DNAH17: variants seen among roughly 807,000 people sequenced by gnomAD.
DNAH17 encodes axonemal beta dynein heavy chain 17.
Under a neutral mutation model 485.6 loss-of-function variants are expected in DNAH17, and 376 were observed. That is an observed-to-expected ratio of 0.77 (90% confidence interval 0.71 to 0.84). The LOEUF (loss-of-function observed/expected upper bound fraction) is 0.84. Ranked by LOEUF, DNAH17 falls within the 40% of genes least tolerant of loss-of-function variation. DNAH17 has a pLI of 0.00. For missense variants in DNAH17, 6,370 were observed against 5,839.3 expected (o/e 1.09, Z -2.96); for synonymous variants, 3,031 against 2,405.9 (o/e 1.26, Z -7.60).
chr17:78,462,809 G>C lies in DNAH17; in HGVS notation c.9174+35C>G, dbSNP rs376066908. On this transcript the variant is annotated intron_variant, in intron 57 of 80. Coordinates refer to ENST00000389840, the MANE Select transcript of DNAH17 (RefSeq NM_173628.4). ...AGCTCCTGCGAGGCCTCCAGGGAAC[G>C]GCACAGGAGCTGGCAGCCAGCCCCC... 3.7e-6 allele frequency: 6 copies of C among 1,606,158 alleles called. No individual in the cohort carries two copies. The Admixed American group carries it at 8.4e-5, about 23-fold the overall frequency.
intron 52 of DNAH17, 142 bp downstream of exon 52, chr17:78,476,430 T>C (rs1160875750): frequency 3.0e-6 from 3 of 1,009,816 alleles, no homozygotes; most frequent in Non-Finnish European, 4.2e-6. Flanking sequence ...CTTGCTGGAA[T>C]GATCGCGTGG....
intron 75 of DNAH17, 59 bp from the exon 76 acceptor site, chr17:78,429,359 G>A (rs2086594140): frequency 6.4e-7 from 1 of 1,562,462 alleles, no homozygotes; most frequent in Admixed American, 1.8e-5. Context: ...TCTGCCATGA[G>A]AGGGTCAGGC....
intron 48 of DNAH17, 129 bp downstream of exon 48, chr17:78,484,739 A>ACCCCCCTTCCGCCCCCC: frequency 2.9e-6 from 1 of 347,798 alleles, no homozygotes. Context: ...ACGTTGCAGC[A>ACCCCCCTTCCGCCCCCC]CCCCCCCCAC....
intron 16 of DNAH17, 29 bp from the exon 17 acceptor site, chr17:78,544,026 G>T (rs372382950): frequency 1.3e-5 from 21 of 1,613,420 alleles, no homozygotes; most frequent in Non-Finnish European, 1.7e-5. Flanking sequence ...AGTGAGAAAA[G>T]GTGTTCTGGA....
At chr17:78,498,050 G>A (rs1598589315) in intron 37 of DNAH17, among the ~76,000 whole-genome samples, 1 of 152,110 alleles carries the variant, frequency 6.6e-6, no homozygotes, top group African/African-American at 2.4e-5. Flanking sequence ...GCTGAGGCAG[G>A]AGAATTGCTT....
At chr17:78,545,150 G>T (rs140608974) in intron 16 of DNAH17, among the ~76,000 whole-genome samples, 2,485 of 152,152 alleles carry the variant, frequency 0.016, 60 homozygotes, top group Non-Finnish European at 0.02. Flanking sequence ...TAGATCACCC[G>T]CCTCCCTCCT....
chr17:78,546,416 G>A (rs184155488), intron 16 of DNAH17, among the ~76,000 whole-genome samples: 7 of 152,196 alleles, frequency 4.6e-5, no homozygotes, highest in Admixed American at 3.3e-4. Context: ...TGTAACTAAT[G>A]TTTGCCCTTT....
rs1426348622 is a variant in DNAH17, at chr17:78,566,523, G to C, written c.1569+91C>G. ...CCTGGACATCAGCTCTACATGGAGA[G>C]GATGAAATGGTCTCCAAGATCGTTC... On this transcript the variant is annotated intron_variant, in intron 11 of 80. Transcript: ENST00000389840. 3 of 939,784 alleles carry C rather than the reference G, an allele frequency of 3.2e-6. No homozygotes were observed. In the African/African-American group the frequency reaches 4.9e-5, roughly 15 times the overall value. The allele number at this position is 939,784 out of a possible 1,614,324, so 58.2% of individuals were successfully genotyped here.
At position 78,458,563 on chromosome 17, in the gene DNAH17, A is replaced by T; in HGVS notation, c.9977+2T>A. 1 of 1,612,654 alleles carries T rather than the reference A, an allele frequency of 6.2e-7. No individual in the cohort carries two copies. Among genetic ancestry groups the T allele is most frequent in the Non-Finnish European group, 8.5e-7 (1 of 1,178,886 alleles). On this transcript the variant is annotated splice_donor_variant, in intron 62 of 80. Coordinates refer to ENST00000389840, the MANE Select transcript of DNAH17 (RefSeq NM_173628.4). LOFTEE classifies it high-confidence loss of function. ...AGGGTGGTCTCGGGGAGGAGCTGAT[A>T]CCTGTTCGCCAGTAAGATCACCCTG... is the stretch of plus-strand genomic sequence containing the variant.
chr17:78,460,319 TAC>T (rs1206225467), intron 58 of DNAH17, 62 bp from the exon 59 acceptor site: 71 of 1,441,520 alleles, frequency 4.9e-5, no homozygotes, highest in East Asian at 1.5e-4. Flanking sequence ...TGGGGGCGTG[TAC>T]GTGCATGTGT....
At chr17:78,459,241 C>T (rs149887126) in intron 60 of DNAH17, 33 bp from the exon 61 acceptor site, 59 of 1,601,362 alleles carry the variant, frequency 3.7e-5, no homozygotes, top group Middle Eastern at 1.8e-4. Flanking sequence ...GGAGTCGTCA[C>T]CCTGTCCTGC....
chr17:78,427,191 G>C (rs1246289003), intron 77 of DNAH17, 83 bp from the exon 78 acceptor site: 1 of 1,427,048 alleles, frequency 7.0e-7, no homozygotes, highest in South Asian at 1.2e-5. Context: ...TGCCCAAAAT[G>C]TTCCCAGCCC....
At chr17:78,484,739 A>ACCCCCCCGGCCGCCCCCCCCCCC in intron 48 of DNAH17, 129 bp downstream of exon 48, 1 of 347,798 alleles carries the variant, frequency 2.9e-6, no homozygotes, top group Non-Finnish European at 4.6e-6. Flanking sequence ...ACGTTGCAGC[A>ACCCCCCCGGCCGCCCCCCCCCCC]CCCCCCCCAC....
intron 60 of DNAH17, 129 bp from the exon 61 acceptor site, chr17:78,459,337 G>T: frequency 1.1e-6 from 1 of 915,334 alleles, no homozygotes; most frequent in Non-Finnish European, 1.7e-6. Flanking sequence ...CACACAGTCA[G>T]GCTGGCCCTA....
At chr17:78,501,546 G>A in intron 34 of DNAH17, 196 bp downstream of exon 34, 2 of 966,696 alleles carry the variant, frequency 2.1e-6, no homozygotes, top group South Asian at 1.7e-5. Flanking sequence ...CAATGGGCGG[G>A]CACCGCTCAT....
intron 17 of DNAH17, among the ~76,000 whole-genome samples, chr17:78,541,796 G>A (rs190286670): frequency 1.3e-5 from 2 of 152,222 alleles, no homozygotes; most frequent in South Asian, 2.1e-4. Context: ...TCTCTCCTGT[G>A]CTCTGTTTCC....
intron 19 of DNAH17, among the ~76,000 whole-genome samples, chr17:78,533,715 C>T (rs908268513): frequency 2.3e-4 from 35 of 152,106 alleles, no homozygotes; most frequent in Admixed American, 3.3e-4. Context: ...GACAGAGTTT[C>T]GGTCTGTCAC....
intron 17 of DNAH17, among the ~76,000 whole-genome samples, chr17:78,542,159 TTTTC>T (rs2091612099): frequency 6.6e-6 from 1 of 150,980 alleles, no homozygotes. Context: ...TTTTTTTTTT[TTTTC>T]TGAGGTGGAG....
chr17:78,426,680 G>A (rs775768353), intron 78 of DNAH17, 80 bp from the exon 79 acceptor site: 6 of 1,514,988 alleles, frequency 4.0e-6, no homozygotes, highest in South Asian at 2.6e-5. Flanking sequence ...GTCATGAGTT[G>A]TCAACACAGT....
Sources: gnomAD v4.1 joint callset for allele counts (sites outside exome capture counted in the v4.1 genomes callset) on GRCh38, gnomAD v4.1.1 for gene constraint, MANE v1.5 for transcripts, NCBI Gene and HGNC (gene_info 2026-07-23, HGNC 2026-07-21) for gene names.